Variants in UTP20 observed in about 807,000 individuals in gnomAD.
UTP20 encodes the protein small subunit processome component 20 homolog.
Under a neutral mutation model 329.5 loss-of-function variants are expected in UTP20, and 164 were observed. The observed-to-expected ratio is 0.50, with a 90% confidence interval of 0.44 to 0.57. The LOEUF is 0.57. Among genes scored for constraint, UTP20 ranks in the 20% least tolerant of loss-of-function variants. The probability of loss-of-function intolerance (pLI) is 0.00; values close to 1 mark genes in which losing one functional copy is unlikely to be tolerated. For missense variants in UTP20, 3,055 were observed against 3,284.2 expected (o/e 0.93, Z 1.71); for synonymous variants, 1,151 against 1,159.3 (o/e 0.99, Z 0.14).
chr12:101,377,725 A>T (rs1287855921), intron 56 of UTP20, among the ~76,000 whole-genome samples: 1 of 152,036 alleles, frequency 6.6e-6, no homozygotes, highest in Non-Finnish European at 1.5e-5. Context: ...GTCACTGGAG[A>T]GGGGTCACAC....
At chr12:101,378,510 G>C (rs555977469) in intron 56 of UTP20, among the ~76,000 whole-genome samples, 34 of 152,160 alleles carry the variant, frequency 2.2e-4, no homozygotes, top group African/African-American at 7.9e-4. Flanking sequence ...GATCACTTAA[G>C]GAGTTTGAGA....
Position 101,298,360 on chromosome 12 carries a change from A to G in UTP20, c.1431-1322A>G, listed in dbSNP as rs554040130. On this transcript the variant is annotated intron_variant, in intron 12 of 61. Transcript: ENST00000261637. The stretch of plus-strand genomic sequence containing the variant: ...TTCCAGAGAGGGAACGTTTGGTCCA[A>G]TTTTAAGCTGGGAAGGATCCAGCCT... 3.0e-4 allele frequency among the ~76,000 whole-genome samples: 45 copies of G among 152,284 alleles called. 1 individual carries two copies. The South Asian group carries it at 8.9e-3, about 30-fold the overall frequency.
chr12:101,362,781 T>A (rs1869969246), intron 44 of UTP20, among the ~76,000 whole-genome samples: 1 of 133,094 alleles, frequency 7.5e-6, no homozygotes, highest in Admixed American at 7.0e-5. Flanking sequence ...ATTTGCCACA[T>A]AACCTTTTGT....
At position 101,338,247 on chromosome 12, in the gene UTP20, G is replaced by A. The variant is rs1438476975; in HGVS notation, c.3838G>A (p.Val1280Ile). Residue 1280 changes from valine to isoleucine, a missense_variant, in exon 30 of 62, where the codon GTA (valine) becomes ATA (isoleucine). Transcript: ENST00000261637. ...TTTGAACTTGCTGGTAACTGGATGT[G>A]TATACCCTGGCATAGCAGAAAACAT... ...TVLNLLVTGCVYPGIAENIGE... is the reference protein window; with the variant it reads ...TVLNLLVTGCIYPGIAENIGE... 1.2e-6 allele frequency: 2 copies of A among 1,614,006 alleles called. No homozygotes were observed. The highest frequency in any genetic ancestry group is 2.7e-5 in the African/African-American group (2 of 74,932).
chr12:101,317,580 A>G lies in UTP20; in HGVS notation c.2655A>G (p.Ala885=), dbSNP rs1324316580. The G allele has an allele frequency of 1.2e-6, 2 of 1,614,220 alleles. No individual in the cohort carries two copies. Among genetic ancestry groups the G allele is most frequent in the South Asian group, 1.1e-5 (1 of 91,076 alleles). ...AGGAAATCGAAGAGGAACCTGCCGC[A>G]GGAGATGATGAAGAGTTGGAGGAAG... The part of the protein sequence containing the change: ...VAEEIEEEPA[A]GDDEELEEEA... The change falls in exon 22 of 62, where the codon GCA becomes GCG. Residue 885 remains alanine (A), a synonymous_variant. Coordinates refer to ENST00000261637, the MANE Select transcript of UTP20 (RefSeq NM_014503.3).
In UTP20 at chr12:101,294,396, C is replaced by T. The variant is rs956469796; in HGVS notation, c.1252-1084C>T. On this transcript the variant is annotated intron_variant, in intron 11 of 61. Transcript: ENST00000261637. ...CTCATGTGTAGACTTCCTCCTATGG[C>T]AGATGGACTTTAGTTCCTTTATACC... Among the ~76,000 whole-genome samples the T allele has an allele frequency of 2.0e-5, 3 of 152,264 alleles. No individual in the cohort carries two copies. The East Asian group carries it at 5.8e-4, about 29-fold the overall frequency.
intron 12 of UTP20, among the ~76,000 whole-genome samples, chr12:101,297,050 T>C (rs1427403962): frequency 2.6e-5 from 4 of 152,138 alleles, no homozygotes; most frequent in Non-Finnish European, 4.4e-5. Flanking sequence ...TGGTTTGCTT[T>C]GAGGCGGAAT....
intron 23 of UTP20, 58 bp downstream of exon 23, chr12:101,319,693 C>T: frequency 7.0e-7 from 1 of 1,433,348 alleles, no homozygotes; most frequent in South Asian, 1.3e-5. Context: ...CTATCATTTT[C>T]TTTGTCAGAG....
chr12:101,325,673 T>C (rs1868530365), intron 25 of UTP20, among the ~76,000 whole-genome samples: 1 of 152,246 alleles, frequency 6.6e-6, no homozygotes, highest in Admixed American at 6.5e-5. Flanking sequence ...GAGTATTTGA[T>C]GTACAAGCTG....
chr12:101,301,346 C>G (rs1020213100), intron 14 of UTP20, among the ~76,000 whole-genome samples: 3 of 37,288 alleles, frequency 8.0e-5, no homozygotes, highest in African/African-American at 6.5e-4. Context: ...ATAGTGAGAG[C>G]CCCCCCCGCC....
In UTP20 at chr12:101,346,547, C is replaced by A; in HGVS notation, c.4843C>A (p.Pro1615Thr). 1 of 1,603,740 alleles carries A rather than the reference C, an allele frequency of 6.2e-7. No individual in the cohort carries two copies. Among genetic ancestry groups the A allele is most frequent in the Non-Finnish European group, 8.5e-7 (1 of 1,176,080 alleles). ...SSKSLQNYIM[P>T]YAMTPIFDEK... ...TAAATCTCTTCAGAATTACATCATG[C>A]CTTATGCCATGACTCCAATTTTTGA... The change falls in exon 38 of 62, where the codon CCT (proline) becomes ACT (threonine). Residue 1615 changes from proline (P) to threonine (T), a missense_variant. Physicochemically the swap from Pro to Thr is conservative, Grantham distance 38. Transcript: ENST00000261637.
intron 32 of UTP20, among the ~76,000 whole-genome samples, chr12:101,340,937 C>CTTTTTTTTTTTTTTTTTTTTTTTT: frequency 2.4e-5 from 2 of 83,026 alleles, no homozygotes; most frequent in South Asian, 4.5e-4. Flanking sequence ...ATTGTGTAAT[C>CTTTTTTTTTTTTTTTTTTTTTTTT]TTTTTTTTTT....
chr12:101,373,009 C>A, intron 52 of UTP20, 46 bp downstream of exon 52: 1 of 1,508,740 alleles, frequency 6.6e-7, no homozygotes, highest in Non-Finnish European at 9.2e-7. Context: ...GTAGTTTCTT[C>A]TTTCCCTTTA....
chr12:101,316,811 T>G (rs1872986667), intron 21 of UTP20, among the ~76,000 whole-genome samples: 1 of 152,170 alleles, frequency 6.6e-6, no homozygotes, highest in African/African-American at 2.4e-5. Flanking sequence ...CAAGATAATA[T>G]TCATTAATTG....
At position 101,296,951 on chromosome 12, in the gene UTP20, C is replaced by A. The variant is rs139008948; in HGVS notation, c.1430+1293C>A. 3.0e-3 allele frequency among the ~76,000 whole-genome samples: 452 copies of A among 152,206 alleles called. 2 individuals carry two copies. Among genetic ancestry groups the A allele is most frequent in the African/African-American group, 0.01 (422 of 41,538 alleles). ...GTGGGTATGCTTCTAGAAACTGTAG[C>A]TTAGGAAACCAGTTCCCTTGTCATT... On this transcript the variant is annotated intron_variant, in intron 12 of 61. Transcript: ENST00000261637.
chr12:101,373,856 A>C, intron 54 of UTP20, 89 bp downstream of exon 54: 1 of 1,418,378 alleles, frequency 7.1e-7, no homozygotes, highest in Non-Finnish European at 9.6e-7. Flanking sequence ...ACACTGTTGA[A>C]TTGGTTTTTT....
intron 60 of UTP20, among the ~76,000 whole-genome samples, chr12:101,384,395 G>A (rs963074236): frequency 1.5e-4 from 23 of 152,112 alleles, no homozygotes; most frequent in Non-Finnish European, 1.6e-4. Flanking sequence ...ACAAAAATTA[G>A]CTGGGTGTGG....
At chr12:101,329,095 T>C (rs1409477684) in intron 26 of UTP20, 146 bp from the exon 27 acceptor site, 2 of 720,686 alleles carry the variant, frequency 2.8e-6, no homozygotes, top group Non-Finnish European at 4.5e-6. Flanking sequence ...AGATAATACA[T>C]AAGAAAAGTG....
intron 40 of UTP20, among the ~76,000 whole-genome samples, chr12:101,354,393 C>G (rs1167034813): frequency 6.6e-6 from 1 of 151,820 alleles, no homozygotes; most frequent in Non-Finnish European, 1.5e-5. Context: ...TCAGCCTATA[C>G]CAGCTATTTC....
Sources: gnomAD v4.1 joint callset for allele counts (sites outside exome capture counted in the v4.1 genomes callset) on GRCh38, gnomAD v4.1.1 for gene constraint, MANE v1.5 for transcripts, NCBI Gene and HGNC (gene_info 2026-07-23, HGNC 2026-07-21) for gene names.